Variants in TMEM117 observed in about 807,000 individuals in gnomAD.
TMEM117 encodes the protein transmembrane protein 117.
In TMEM117, 27 loss-of-function variants were observed where a neutral mutation model predicts 52.4. That is an observed-to-expected ratio of 0.51 (90% CI 0.38 to 0.71). TMEM117 has a LOEUF of 0.71. Among genes scored for constraint, TMEM117 ranks in the 30% least tolerant of loss-of-function variants. TMEM117 has a pLI of 0.00. For synonymous variants in TMEM117, 215 were observed against 206.3 expected (o/e 1.04, Z -0.36); for missense variants, 556 against 630.5 (o/e 0.88, Z 1.26).
At chr12:43,929,618 C>T (rs1441327415) in intron 2 of TMEM117, among the ~76,000 whole-genome samples, 1 of 152,074 alleles carries the variant, frequency 6.6e-6, no homozygotes, top group Non-Finnish European at 1.5e-5. Context: ...ACCACCATGA[C>T]AGTCAGGATA....
rs1193165429 is a variant in TMEM117 at position 44,309,756 on chromosome 12, G to A, written c.768+10017G>A. 4.7e-5 allele frequency among the ~76,000 whole-genome samples: 7 copies of A among 148,390 alleles called. No individual in the cohort carries two copies. The South Asian group carries it at 1.3e-3, about 27-fold the overall frequency. ...TTCCTAAGGCACACAGATACAGTCT[G>A]GATTCAGCAGAATGAGAATTAAAAA... On this transcript the variant is annotated intron_variant, in intron 6 of 7. Transcript: ENST00000266534.
chr12:44,271,222 T>C (rs1205853757), intron 5 of TMEM117, among the ~76,000 whole-genome samples: 1 of 151,984 alleles, frequency 6.6e-6, no homozygotes, highest in Admixed American at 6.6e-5. Context: ...GTTTGAAAAG[T>C]GAGTATATGG....
At chr12:44,041,105 A>T (rs1946790526) in intron 3 of TMEM117, among the ~76,000 whole-genome samples, 1 of 152,164 alleles carries the variant, frequency 6.6e-6, no homozygotes, top group Non-Finnish European at 1.5e-5. Flanking sequence ...TTCTTTTTTT[A>T]AATTATACTG....
chr12:43,906,094 T>A (rs1944382117), intron 2 of TMEM117, among the ~76,000 whole-genome samples: 1 of 152,234 alleles, frequency 6.6e-6, no homozygotes, highest in South Asian at 2.1e-4. Flanking sequence ...CCTACTTTAT[T>A]TTTTCTATTT....
intron 7 of TMEM117, among the ~76,000 whole-genome samples, chr12:44,380,883 A>C (rs1952010784): frequency 6.6e-6 from 1 of 152,160 alleles, no homozygotes; most frequent in Non-Finnish European, 1.5e-5. Flanking sequence ...CTGAGTCCTT[A>C]AAAAGGAGAA....
chr12:43,832,288 G>C (rs1565710604), upstream of TMEM117, among the ~76,000 whole-genome samples: 1 of 152,228 alleles, frequency 6.6e-6, no homozygotes, highest in African/African-American at 2.4e-5. Flanking sequence ...TTGATAGGAA[G>C]GAAGAATGGC....
Position 44,106,914 on chromosome 12 carries a change from T to C in TMEM117, c.411-36611T>C, listed in dbSNP as rs181023978. Among the ~76,000 whole-genome samples the C allele has an allele frequency of 1.7e-3, 264 of 152,122 alleles. 1 individual carries two copies. Among genetic ancestry groups the C allele is most frequent in the South Asian group, 6.6e-3 (32 of 4,822 alleles). The stretch of plus-strand genomic sequence containing the variant: ...ATGTAAAACAGAGTTTATAAAGTAC[T>C]TTTTTATTTTTTAATCTCTTTTCTG... On this transcript the variant is annotated intron_variant, in intron 3 of 7. Coordinates refer to ENST00000266534, the MANE Select transcript of TMEM117 (RefSeq NM_032256.3).
At chr12:44,174,616 T>C (rs1949093747) in intron 4 of TMEM117, among the ~76,000 whole-genome samples, 1 of 152,234 alleles carries the variant, frequency 6.6e-6, no homozygotes, top group African/African-American at 2.4e-5. Context: ...TCTTCTTTTA[T>C]TCAACAAAAA....
At chr12:44,078,081 C>T (rs1008977088) in intron 3 of TMEM117, among the ~76,000 whole-genome samples, 1 of 152,038 alleles carries the variant, frequency 6.6e-6, no homozygotes, top group African/African-American at 2.4e-5. Context: ...ATTAAGTAAT[C>T]ATAACTTCTG....
chr12:43,966,334 ATAAAT>A (rs1945484977), intron 3 of TMEM117, among the ~76,000 whole-genome samples: 1 of 152,242 alleles, frequency 6.6e-6, no homozygotes, highest in Admixed American at 6.5e-5. Flanking sequence ...TATAACATAA[ATAAAT>A]TAAAATAATA....
chr12:43,982,090 A>G (rs569301397), intron 3 of TMEM117, among the ~76,000 whole-genome samples: 1 of 152,338 alleles, frequency 6.6e-6, no homozygotes, highest in Non-Finnish European at 1.5e-5. Context: ...TATGCAATAT[A>G]TATATGTATC....
At chr12:44,181,109 A>G (rs1468265620) in intron 4 of TMEM117, among the ~76,000 whole-genome samples, 5 of 151,010 alleles carry the variant, frequency 3.3e-5, no homozygotes, top group South Asian at 2.1e-4. Context: ...GCCAGTGATG[A>G]TGAGCATTTT....
rs529928117 is a variant in TMEM117 at position 44,027,101 on chromosome 12, T to C, written c.410+82759T>C. ...CTTAGCCTATTTTATTTTATTTTAT[T>C]TTATTTTATTTTATCTTATTATTTT... On this transcript the variant is annotated intron_variant, in intron 3 of 7. Coordinates refer to ENST00000266534, the MANE Select transcript of TMEM117 (RefSeq NM_032256.3). 1.2e-3 allele frequency among the ~76,000 whole-genome samples: 170 copies of C among 146,780 alleles called. 2 individuals are homozygous for C. Among genetic ancestry groups the C allele is most frequent in the Middle Eastern group, 3.6e-3 (1 of 278 alleles).
At chr12:44,249,264 T>C (rs976622591) in intron 5 of TMEM117, among the ~76,000 whole-genome samples, 15 of 152,262 alleles carry the variant, frequency 9.9e-5, no homozygotes, top group South Asian at 2.1e-4. Context: ...TTGTCGAAGT[T>C]ACATGTTTAT....
At chr12:43,823,733 C>G in the TMEM117 span, among the ~76,000 whole-genome samples, 1 of 151,862 alleles carries the variant, frequency 6.6e-6, no homozygotes, top group East Asian at 1.9e-4. Flanking sequence ...AGGATGGTCT[C>G]GATCTGTTGA....
upstream of TMEM117, among the ~76,000 whole-genome samples, chr12:43,833,609 G>A (rs1236982167): frequency 6.6e-6 from 1 of 151,924 alleles, no homozygotes; most frequent in Non-Finnish European, 1.5e-5. Flanking sequence ...GGTGGGCAAC[G>A]TAGACCCTGT....
At chr12:43,898,048 GCA>G (rs113886918) in intron 2 of TMEM117, among the ~76,000 whole-genome samples, 26,620 of 146,750 alleles carry the variant, frequency 0.18, 3,405 homozygotes, top group African/African-American at 0.38. Context: ...ACACACGCAC[GCA>G]CACACACACA....
At chr12:44,293,089 T>C (rs1950724562) in intron 5 of TMEM117, among the ~76,000 whole-genome samples, 4 of 151,938 alleles carry the variant, frequency 2.6e-5, no homozygotes, top group Admixed American at 2.6e-4. Flanking sequence ...TTGCCTTGTA[T>C]GTTTAGATGC....
intron 6 of TMEM117, among the ~76,000 whole-genome samples, chr12:44,367,285 G>A (rs1464629267): frequency 6.6e-6 from 1 of 151,888 alleles, no homozygotes; most frequent in Non-Finnish European, 1.5e-5. Context: ...CCCAATGTCG[G>A]CTTCCTCAGG....
Sources: gnomAD v4.1 joint callset for allele counts (sites outside exome capture counted in the v4.1 genomes callset) on GRCh38, gnomAD v4.1.1 for gene constraint, MANE v1.5 for transcripts, NCBI Gene and HGNC (gene_info 2026-07-23, HGNC 2026-07-21) for gene names.